Variants in PPP1CC observed in about 807,000 individuals in gnomAD.
PPP1CC encodes the protein protein phosphatase 1 catalytic subunit gamma.
A neutral mutation model predicts 38.4 loss-of-function variants in PPP1CC; 16 were observed. The ratio of observed to expected loss-of-function variants is 0.42; its 90% CI spans 0.28 to 0.63. The LOEUF is 0.63. Among genes scored for constraint, PPP1CC ranks in the 30% least tolerant of loss-of-function variants. The pLI is 0.25. For missense variants in PPP1CC, 170 were observed against 391.3 expected (o/e 0.43, Z 4.77); for synonymous variants, 158 against 136.0 (o/e 1.16, Z -1.13).
chr12:110,718,212 G>A (rs1448912375), downstream of PPP1CC, among the ~76,000 whole-genome samples: 1 of 151,934 alleles, frequency 6.6e-6, no homozygotes, highest in Non-Finnish European at 1.5e-5. Flanking sequence ...GCTGTCCACT[G>A]CAACTAGACA....
At chr12:110,727,242 C>T (rs1248629171) in intron 3 of PPP1CC, among the ~76,000 whole-genome samples, 2 of 152,212 alleles carry the variant, frequency 1.3e-5, no homozygotes, top group Admixed American at 6.5e-5. Flanking sequence ...TGAGCTACCA[C>T]GCCCCGGCTT....
intron 1 of PPP1CC, among the ~76,000 whole-genome samples, chr12:110,742,370 G>C (rs1448365046): frequency 6.6e-6 from 1 of 152,144 alleles, no homozygotes; most frequent in East Asian, 1.9e-4. Flanking sequence ...CGGGAAACGT[G>C]GGGGTGGGGA....
intron 3 of PPP1CC, among the ~76,000 whole-genome samples, chr12:110,726,873 A>G (rs976727405): frequency 1.3e-5 from 2 of 152,210 alleles, no homozygotes; most frequent in African/African-American, 4.8e-5. Context: ...CCTGTATTAT[A>G]AAAACAGAGC....
the PPP1CC span, among the ~76,000 whole-genome samples, chr12:110,712,888 A>T: frequency 6.6e-6 from 1 of 151,702 alleles, no homozygotes; most frequent in African/African-American, 2.4e-5. Flanking sequence ...CCTGGCCAAC[A>T]TGGAGAAACC....
the PPP1CC span, among the ~76,000 whole-genome samples, chr12:110,709,863 A>G: frequency 6.6e-6 from 1 of 151,240 alleles, no homozygotes; most frequent in African/African-American, 2.4e-5. Context: ...TAAAAGTTTT[A>G]AAAAGATTAG....
the PPP1CC span, among the ~76,000 whole-genome samples, chr12:110,710,717 CAAAAAAAAAAA>C: frequency 1.4e-4 from 4 of 27,898 alleles, no homozygotes; most frequent in Non-Finnish European, 2.5e-4. Flanking sequence ...GACTCTGTCT[CAAAAAAAAAAA>C]AAAAAAAAAA....
Position 110,731,886 on chromosome 12 carries a change from G to C in PPP1CC, c.71C>G (p.Pro24Arg). The change falls in exon 2 of 7, where the codon CCT becomes CGT. Residue 24 changes from proline to arginine, a missense_variant. By Grantham distance (103) the Pro-to-Arg change is moderately radical (BLOSUM62 -2). Coordinates refer to ENST00000335007, the MANE Select transcript of PPP1CC (RefSeq NM_002710.4). ...QRLLEVRGSK[P>R]GKNVQLQENE... ...CTCCTGAAGCTGGACATTCTTACCAGGCTTGGACCCTCTCACTGCAAGAGA... is the reference window on the plus strand; with the variant it reads ...CTCCTGAAGCTGGACATTCTTACCACGCTTGGACCCTCTCACTGCAAGAGA... 6.2e-7 allele frequency: 1 copy of C among 1,613,108 alleles called. No individual in the cohort carries two copies. The highest frequency in any genetic ancestry group is 8.5e-7 in the Non-Finnish European group (1 of 1,179,342).
intron 1 of PPP1CC, among the ~76,000 whole-genome samples, chr12:110,739,594 A>C (rs2069990259): frequency 6.6e-6 from 1 of 152,180 alleles, no homozygotes. Flanking sequence ...ATCTGTAAGC[A>C]CTTTCTGTGA....
In PPP1CC at chr12:110,742,660, C is replaced by T. The variant is rs770827620; in HGVS notation, c.48G>A (p.Leu16=). Residue 16 remains leucine, a synonymous_variant, in exon 1 of 7, where the codon CTG becomes CTA. Transcript: ENST00000335007. ...KLNIDSIIQR[L]LEVRGSKPGK... Reference sequence around the variant, plus strand: ...GCCCGCCGCCCCCCTTACCTTCCAGCAGCCGTTGGATAATGCTGTCGATGT... The same window carrying T: ...GCCCGCCGCCCCCCTTACCTTCCAGTAGCCGTTGGATAATGCTGTCGATGT... 5.4e-6 allele frequency: 8 copies of T among 1,474,894 alleles called. No homozygotes were observed. In the East Asian group the frequency reaches 2.2e-4, roughly 41 times the overall value. 91.4% of individuals were successfully genotyped at this position (1,474,894 alleles called of 1,614,324 possible).
At chr12:110,734,016 A>C (rs1181860718) in intron 1 of PPP1CC, among the ~76,000 whole-genome samples, 3 of 151,980 alleles carry the variant, frequency 2.0e-5, no homozygotes, top group Non-Finnish European at 2.9e-5. Context: ...ACCACACTTC[A>C]CCCTGGAGAA....
Position 110,722,197 on chromosome 12 carries a change from C to T in PPP1CC, c.820G>A (p.Gly274Arg). ...VTLFSAPNYC[G>R]EFDNAGAMMS... Reference sequence around the variant, plus strand: ...ATGGCACCTGCATTGTCAAACTCTCCGCAATAATTGGGCGCAGAAAACAGA... The same window carrying T: ...ATGGCACCTGCATTGTCAAACTCTCTGCAATAATTGGGCGCAGAAAACAGA... The change falls in exon 6 of 7, where the codon GGA (glycine) becomes AGA (arginine). Residue 274 changes from glycine (G) to arginine (R), a missense_variant. By Grantham distance (125) the Gly-to-Arg change is moderately radical (BLOSUM62 -2). Transcript: ENST00000335007. The surrounding 1 kb of genome is among the most constrained non-coding windows in gnomAD (Gnocchi z 5.4). 1.9e-6 allele frequency: 3 copies of T among 1,614,164 alleles called. No homozygotes were observed. Among genetic ancestry groups the T allele is most frequent in the Non-Finnish European group, 2.5e-6 (3 of 1,180,030 alleles).
At chr12:110,728,397 CA>C (rs1234259790) in intron 3 of PPP1CC, among the ~76,000 whole-genome samples, 1,208 of 78,630 alleles carry the variant, frequency 0.015, 11 homozygotes, top group Non-Finnish European at 0.026. Context: ...GACTCCGTCT[CA>C]AAAAAAAAAA....
chr12:110,733,572 G>A (rs1328432086), intron 1 of PPP1CC, among the ~76,000 whole-genome samples: 1 of 152,014 alleles, frequency 6.6e-6, no homozygotes, highest in Non-Finnish European at 1.5e-5. Flanking sequence ...TGTCCTCTGG[G>A]TGGGGACATT....
chr12:110,728,793 C>T (rs1231757961), intron 3 of PPP1CC, among the ~76,000 whole-genome samples: 10 of 152,176 alleles, frequency 6.6e-5, no homozygotes, highest in Non-Finnish European at 1.0e-4. Flanking sequence ...CCTGCCACCC[C>T]ATCTTATCAG....
At chr12:110,724,957 G>A (rs1593574879) in intron 3 of PPP1CC, 193 bp from the exon 4 acceptor site, 1 of 372,822 alleles carries the variant, frequency 2.7e-6, no homozygotes. Flanking sequence ...GGCGTGGTGG[G>A]TCAGACCTGT....
chr12:110,732,118 G>C, intron 1 of PPP1CC: 1 of 585,300 alleles, frequency 1.7e-6, no homozygotes, highest in Non-Finnish European at 3.0e-6. Flanking sequence ...TTCTTTTATA[G>C]TATTCCAAAA....
rs773781047 is a variant in PPP1CC at position 110,730,638 on chromosome 12, C to T, written c.309G>A (p.Thr103=). 1.5e-5 allele frequency: 24 copies of T among 1,614,128 alleles called. No homozygotes were observed. The highest frequency in any genetic ancestry group is 1.9e-5 in the Non-Finnish European group (23 of 1,179,996). ...TTTTGTAGGCCAGTAAGAGGCAGAT[C>T]GTCTCCAATGACTGCTTTCCCCTGT... ...YVDRGKQSLE[T]ICLLLAYKIK... is the part of the protein sequence containing the mutation. The change falls in exon 3 of 7, where the codon ACG becomes ACA. Residue 103 remains threonine (T), a synonymous_variant. Transcript: ENST00000335007.
chr12:110,727,276 C>G (rs1052461902), intron 3 of PPP1CC, among the ~76,000 whole-genome samples: 1 of 152,200 alleles, frequency 6.6e-6, no homozygotes, highest in Non-Finnish European at 1.5e-5. Context: ...ATGCCACATA[C>G]TCCAGCTTCT....
chr12:110,732,268 G>A (rs116663626), intron 1 of PPP1CC: 3,526 of 308,608 alleles, frequency 0.011, 125 homozygotes, highest in African/African-American at 0.068. Flanking sequence ...GACCATCCTC[G>A]CCAACATGGC....
Sources: allele counts gnomAD v4.1 joint callset (sites outside exome capture counted in the v4.1 genomes callset), GRCh38; gene constraint gnomAD v4.1.1; non-coding constraint Gnocchi (gnomAD v3.1); transcripts MANE v1.5; gene names NCBI Gene and HGNC (gene_info 2026-07-23, HGNC 2026-07-21).